Variants in RUNX3 observed in about 807,000 individuals in gnomAD.
RUNX3 encodes the protein RUNX family transcription factor 3, also known as runt-related transcription factor 3.
RUNX3 carries 10 observed loss-of-function variants against 27.7 expected under a neutral mutation model. The ratio of observed to expected loss-of-function variants is 0.36; its 90% confidence interval spans 0.22 to 0.61. The LOEUF is 0.61. RUNX3 is among the 20% of genes least tolerant of loss of function. RUNX3 has a pLI of 0.72. For missense variants in RUNX3, 469 were observed against 629.5 expected (o/e 0.75, Z 2.73); for synonymous variants, 270 against 269.2 (o/e 1.00, Z -0.03).
chr1:24,909,419 T>C (rs2124258587), intron 3 of RUNX3, among the ~76,000 whole-genome samples: 1 of 152,242 alleles, frequency 6.6e-6, no homozygotes, highest in Non-Finnish European at 1.5e-5. Flanking sequence ...TCAGTCCGGG[T>C]GTGTCATTCT....
chr1:24,939,643 G>T (rs531233395), intron 2 of RUNX3, among the ~76,000 whole-genome samples: 11 of 152,354 alleles, frequency 7.2e-5, no homozygotes, highest in African/African-American at 2.4e-4. Flanking sequence ...GGCTCTGGAA[G>T]TTTCTGCTTC....
chr1:24,923,125 C>A lies in RUNX3; in HGVS notation c.440-3781G>T, dbSNP rs773267122. ...CTCCTGAGAAGTGAGAAGCCCCCAC[C>A]CATACCAGGTAGCAAACCACATGCC... On this transcript the variant is annotated intron_variant, in intron 2 of 4. Coordinates refer to ENST00000308873, the MANE Select transcript of RUNX3 (RefSeq NM_004350.3). The surrounding 1 kb of genome is among the most constrained non-coding windows in gnomAD (Gnocchi z 5.9). Among the ~76,000 whole-genome samples the A allele has an allele frequency of 6.6e-6, 1 of 152,166 alleles. No homozygotes were observed. The highest frequency in any genetic ancestry group is 6.5e-5 in the Admixed American group (1 of 15,272).
intron 2 of RUNX3, among the ~76,000 whole-genome samples, chr1:24,926,334 A>T (rs763352209): frequency 7.2e-5 from 11 of 152,274 alleles, no homozygotes; most frequent in South Asian, 2.1e-4. Flanking sequence ...ATAAAAGCAA[A>T]CATTTTCCAT....
chr1:24,929,293 A>G (rs1243904396), intron 1 of RUNX3: 1 of 643,678 alleles, frequency 1.6e-6, no homozygotes, highest in African/African-American at 1.8e-5. Context: ...GATCCGGGTT[A>G]GGGGGGCGCA....
intron 3 of RUNX3, among the ~76,000 whole-genome samples, chr1:24,910,435 C>T (rs1253597309): frequency 6.6e-6 from 1 of 152,116 alleles, no homozygotes; most frequent in Non-Finnish European, 1.5e-5. Flanking sequence ...ACAGAACTCA[C>T]TGCGCTTCTT....
chr1:24,901,940 TCTGTACAAGGATGTGG>T lies in RUNX3; in HGVS notation c.*166_*181del, dbSNP rs1368304643. 2 of 588,242 alleles carry T rather than the reference TCTGTACAAGGATGTGG, an allele frequency of 3.4e-6. No individual in the cohort carries two copies. The highest frequency in any genetic ancestry group is 5.9e-6 in the Non-Finnish European group (2 of 341,848). 36.4% of individuals were successfully genotyped at this position (588,242 alleles called of 1,614,324 possible). On this transcript the variant is annotated 3_prime_UTR_variant, in exon 5 of 5. Transcript: ENST00000308873. Reference sequence around the variant, plus strand: ...CGGGGTGGGGGTGGTAACCTATGCCTCTGTACAAGGATGTGGCTGCACAGATGCAGCCAGAGGCTCC... The same window carrying T: ...CGGGGTGGGGGTGGTAACCTATGCCTCTGCACAGATGCAGCCAGAGGCTCC...
chr1:24,908,009 A>AACACGCGGTGATCCAAACCTCAACC (rs1640705642), intron 3 of RUNX3, among the ~76,000 whole-genome samples: 3 of 138,738 alleles, frequency 2.2e-5, no homozygotes, highest in Admixed American at 7.1e-5. Flanking sequence ...AAACCTCTAC[A>AACACGCGGTGATCCAAACCTCAACC]ACACGCGGTG....
At chr1:24,906,758 G>A (rs1428212805) in intron 4 of RUNX3, among the ~76,000 whole-genome samples, 6 of 152,242 alleles carry the variant, frequency 3.9e-5, no homozygotes, top group African/African-American at 1.4e-4. Context: ...GGGTTGGAAT[G>A]TCACTTAACA....
chr1:24,962,566 G>T lies in RUNX3; in HGVS notation c.58+1948C>A, dbSNP rs1194985487. 6.6e-6 allele frequency among the ~76,000 whole-genome samples: 1 copy of T among 152,230 alleles called. No individual in the cohort carries two copies. Among genetic ancestry groups the T allele is most frequent in the Non-Finnish European group, 1.5e-5 (1 of 68,032 alleles). ...GCACGTCGTGAGCAGAAATGAACAG[G>T]AGAGAGAAGGCTGAAGAGGGGAGAC... On this transcript the variant is annotated intron_variant, in intron 2 of 6. Transcript: ENST00000338888. This position sits in a 1 kb window ranked among gnomAD's most constrained non-coding sequence, Gnocchi z 4.5.
chr1:24,909,537 C>A (rs1036088626), intron 3 of RUNX3, among the ~76,000 whole-genome samples: 6 of 152,198 alleles, frequency 3.9e-5, no homozygotes, highest in African/African-American at 1.4e-4. Context: ...TCCCATAAAA[C>A]CCTGGGGATC....
At chr1:24,925,854 A>G (rs1036336703) in intron 2 of RUNX3, among the ~76,000 whole-genome samples, 6 of 152,156 alleles carry the variant, frequency 3.9e-5, no homozygotes, top group African/African-American at 1.4e-4. Context: ...TACAAGGACA[A>G]GCTCCCAACC....
chr1:24,933,757 G>A (rs1013328566), upstream of RUNX3, among the ~76,000 whole-genome samples: 5 of 152,186 alleles, frequency 3.3e-5, no homozygotes, highest in African/African-American at 4.8e-5. Flanking sequence ...ACCCTTTCCT[G>A]AGTAGCAACT....
rs1312340300 is a variant in RUNX3 at position 24,929,810 on chromosome 1, A to C, written c.59T>G (p.Phe20Cys). The C allele has an allele frequency of 7.1e-7, 1 of 1,415,066 alleles. No homozygotes were observed. The highest frequency in any genetic ancestry group is 9.1e-7 in the Non-Finnish European group (1 of 1,094,164). The allele number at this position is 1,415,066 out of a possible 1,614,324, so 87.7% of individuals were successfully genotyped here. A position where few individuals can be genotyped will look rare whatever the true frequency, so the allele number is the denominator to read the frequency against. The change falls in exon 1 of 5, where the codon TTC (phenylalanine) becomes TGC (cysteine). Residue 20 changes from phenylalanine (F) to cysteine (C), a missense_variant. Phe to Cys is a radical substitution (Grantham distance 205). Transcript: ENST00000308873. ...CTTGCCGCCGCCGCCGCCGCAGGGG[A>C]AGGCCGGGGAGGGAGGTGTGAAGCG... ...SRRFTPPSPA[F>C]PCGGGGGKMG...
Position 24,962,864 on chromosome 1 carries a change from A to G in RUNX3, c.58+1650T>C, listed in dbSNP as rs564866430. ...ACCGGGGCTCTAGCCCTGTCTCCCA[A>G]GGTTCCTTTGTTTTAAACCCTACAT... On this transcript the variant is annotated intron_variant, in intron 2 of 6. Transcript: ENST00000338888. This position sits in a 1 kb window ranked among gnomAD's most constrained non-coding sequence, Gnocchi z 4.5. The G allele has an allele frequency of 6.6e-6, 1 of 152,376 alleles. No individual in the cohort carries two copies. The highest frequency in any genetic ancestry group is 2.1e-4 in the South Asian group (1 of 4,832). The allele number at this position is 152,376 out of a possible 1,614,324, so 9.4% of individuals were successfully genotyped here.
Position 24,907,349 on chromosome 1 carries a change from G to A in RUNX3, c.613C>T (p.Arg205Cys), listed in dbSNP as rs1640686864. 1.9e-6 allele frequency: 3 copies of A among 1,613,612 alleles called. No individual in the cohort carries two copies. Among genetic ancestry groups the A allele is most frequent in the East Asian group, 2.2e-5 (1 of 44,888 alleles). Reference protein sequence around the residue: ...PDRFGDLERLRMRVTPSTPSP... With the variant: ...PDRFGDLERLCMRVTPSTPSP... ...GGTGTGCTCGGTGTCACCCGCATGC[G>A]CAGCCGTTCCAGGTCCCCAAAGCGG... The change falls in exon 4 of 5, where the codon CGC becomes TGC. Residue 205 changes from arginine to cysteine, a missense_variant. Physicochemically the swap from Arg to Cys is radical, Grantham distance 180. Transcript: ENST00000308873.
intron 3 of RUNX3, among the ~76,000 whole-genome samples, chr1:24,913,006 G>A (rs1010429311): frequency 1.3e-5 from 2 of 152,150 alleles, no homozygotes; most frequent in Non-Finnish European, 2.9e-5. Context: ...TGAAGCTCAG[G>A]GTTGAGAGTG....
intron 2 of RUNX3, among the ~76,000 whole-genome samples, chr1:24,949,470 G>A (rs1319106434): frequency 6.6e-6 from 1 of 152,144 alleles, no homozygotes; most frequent in Non-Finnish European, 1.5e-5. Context: ...CCAAGGACTT[G>A]GCGGATGTGA....
Position 24,907,372 on chromosome 1 carries a change from C to T in RUNX3, c.590G>A (p.Arg197His), listed in dbSNP as rs765595220. 11 of 1,613,844 alleles carry T rather than the reference C, an allele frequency of 6.8e-6. No individual in the cohort carries two copies. The highest frequency in any genetic ancestry group is 1.3e-5 in the African/African-American group (1 of 74,920). Residue 197 changes from arginine to histidine, a missense_variant, in exon 4 of 5, where the codon CGC (arginine) becomes CAC (histidine). This residue lies in a region of RUNX3 where 279 missense variants were observed against 343.0 expected (regional missense o/e 0.81). Transcript: ENST00000308873. The stretch of plus-strand genomic sequence containing the variant: ...GCGCAGCCGTTCCAGGTCCCCAAAG[C>T]GGTCAGGGAACGGCTTGGTCTGGTC... Reference protein sequence around the residue: ...LEDQTKPFPDRFGDLERLRMR... With the variant: ...LEDQTKPFPDHFGDLERLRMR...
chr1:24,917,224 C>A lies in RUNX3; in HGVS notation c.544+2016G>T, dbSNP rs992320401. Among the ~76,000 whole-genome samples the A allele has an allele frequency of 3.3e-5, 5 of 152,296 alleles. No homozygotes were observed. The South Asian group carries it at 8.3e-4, about 25-fold the overall frequency. On this transcript the variant is annotated intron_variant, in intron 3 of 4. Coordinates refer to ENST00000308873, the MANE Select transcript of RUNX3 (RefSeq NM_004350.3). ...GAGTGGCTTCTGAGTGCCGCATCCC[C>A]ACCCAGAGCCCAACTGAGGCTCCTG...
Sources: allele counts gnomAD v4.1 joint callset (sites outside exome capture counted in the v4.1 genomes callset), GRCh38; gene constraint gnomAD v4.1.1; regional missense constraint gnomAD v4.1.1; non-coding constraint Gnocchi (gnomAD v3.1); transcripts MANE v1.5; gene names NCBI Gene and HGNC (gene_info 2026-07-23, HGNC 2026-07-21).